The following GALNTL6 variants were observed in gnomAD, a reference collection of about 807,000 sequenced individuals.
GALNTL6 encodes polypeptide N-acetylgalactosaminyltransferase like 6.
Under a neutral mutation model 73.7 loss-of-function variants are expected in GALNTL6, and 46 were observed. The observed-to-expected ratio is 0.62, with a 90% CI of 0.49 to 0.80. GALNTL6 has a LOEUF of 0.80. Ranked by LOEUF, GALNTL6 falls within the 30% of genes least tolerant of loss-of-function variation. The pLI is 0.00. For synonymous variants in GALNTL6, 259 were observed against 263.7 expected (o/e 0.98, Z 0.17); for missense variants, 604 against 755.0 (o/e 0.80, Z 2.34).
chr4:172,342,914 A>G (rs1274360976), intron 4 of GALNTL6, among the ~76,000 whole-genome samples: 1 of 152,186 alleles, frequency 6.6e-6, no homozygotes, highest in Non-Finnish European at 1.5e-5. Flanking sequence ...TCTAATTACT[A>G]GCTTGATACC....
intron 10 of GALNTL6, among the ~76,000 whole-genome samples, chr4:172,971,110 A>G (rs1750560849): frequency 6.6e-6 from 1 of 152,136 alleles, no homozygotes; most frequent in African/African-American, 2.4e-5. Context: ...TGTGGGAGCA[A>G]GCTTCTAATA....
chr4:171,912,833 C>A (rs1312680730), intron 2 of GALNTL6, among the ~76,000 whole-genome samples: 1 of 152,160 alleles, frequency 6.6e-6, no homozygotes, highest in African/African-American at 2.4e-5. Context: ...CTTCACTTAA[C>A]ATAATGATCT....
chr4:171,920,460 G>A (rs1737753976), intron 2 of GALNTL6, among the ~76,000 whole-genome samples: 1 of 151,994 alleles, frequency 6.6e-6, no homozygotes, highest in African/African-American at 2.4e-5. Context: ...TGTATTTCAT[G>A]TCAATAATAA....
At chr4:172,156,850 G>C (rs942604952) in intron 2 of GALNTL6, among the ~76,000 whole-genome samples, 3 of 151,810 alleles carry the variant, frequency 2.0e-5, no homozygotes, top group Non-Finnish European at 4.4e-5. Context: ...TAAAGATCAT[G>C]ATCTGGAATT....
chr4:172,039,419 G>A (rs941464313), intron 2 of GALNTL6, among the ~76,000 whole-genome samples: 3 of 152,160 alleles, frequency 2.0e-5, no homozygotes, highest in Non-Finnish European at 4.4e-5. Flanking sequence ...ATGTCCAGCA[G>A]ACAAATGGTG....
intron 7 of GALNTL6, among the ~76,000 whole-genome samples, chr4:172,837,387 G>C (rs1227044357): frequency 6.6e-6 from 1 of 151,756 alleles, no homozygotes; most frequent in Non-Finnish European, 1.5e-5. Context: ...ATCATCCATA[G>C]TTATTGTTTT....
Position 172,248,619 on chromosome 4 carries a change from C to T in GALNTL6, c.247+18855C>T, listed in dbSNP as rs144449532. Among the ~76,000 whole-genome samples the T allele has an allele frequency of 1.2e-3, 178 of 152,264 alleles. 3 individuals are homozygous for T. The East Asian group carries it at 0.031, about 27-fold the overall frequency. On this transcript the variant is annotated intron_variant, in intron 3 of 12. Coordinates refer to ENST00000506823, the MANE Select transcript of GALNTL6 (RefSeq NM_001034845.3). ...CACTGATATGGTTTGGCTGTGTCCC[C>T]ACCCAAAGCTCATCTTGAATTGTAG... is the stretch of plus-strand genomic sequence containing the variant.
chr4:172,681,172 G>C (rs1262250034), intron 5 of GALNTL6, among the ~76,000 whole-genome samples: 1 of 152,110 alleles, frequency 6.6e-6, no homozygotes, highest in Admixed American at 6.5e-5. Context: ...AATTGTTAAT[G>C]CCTGATAAAT....
At chr4:172,614,882 T>G (rs1738663152) in intron 5 of GALNTL6, among the ~76,000 whole-genome samples, 1 of 152,112 alleles carries the variant, frequency 6.6e-6, no homozygotes, top group Non-Finnish European at 1.5e-5. Context: ...GTTTGATTAA[T>G]GGGTTTGGTT....
In GALNTL6 at chr4:172,623,906, A is replaced by G. The variant is rs181106829; in HGVS notation, c.554-185455A>G. On this transcript the variant is annotated intron_variant, in intron 5 of 12. Coordinates refer to ENST00000506823, the MANE Select transcript of GALNTL6 (RefSeq NM_001034845.3). Reference sequence around the variant, plus strand: ...TTATGTCTCAAATTTTATTCATGAGATATTTTACACATCAATTATATTTTG... The same window carrying G: ...TTATGTCTCAAATTTTATTCATGAGGTATTTTACACATCAATTATATTTTG... Among the ~76,000 whole-genome samples, 85 of 152,242 alleles carry G rather than the reference A, an allele frequency of 5.6e-4. 1 individual carries two copies. In the East Asian group the frequency reaches 0.014, roughly 25 times the overall value.
At chr4:172,333,546 A>T (rs1325709824) in intron 4 of GALNTL6, among the ~76,000 whole-genome samples, 1 of 152,178 alleles carries the variant, frequency 6.6e-6, no homozygotes, top group Non-Finnish European at 1.5e-5. Flanking sequence ...CTCCTGTTGG[A>T]TGAACAGTCT....
chr4:172,109,013 CAAAAAAAAAAAAAAAAAAA>C (rs202017302), intron 2 of GALNTL6, among the ~76,000 whole-genome samples: 5 of 108,288 alleles, frequency 4.6e-5, no homozygotes, highest in Non-Finnish European at 7.7e-5. Flanking sequence ...ACTCCATCTC[CAAAAAAAAAAAAAAAAAAA>C]AAAAAAAAAA....
chr4:172,397,874 G>C (rs545727344), intron 5 of GALNTL6, among the ~76,000 whole-genome samples: 1 of 152,134 alleles, frequency 6.6e-6, no homozygotes, highest in East Asian at 1.9e-4. Flanking sequence ...ACTGTGCCTG[G>C]CCACTATCTT....
chr4:172,608,116 C>A (rs748093755), intron 5 of GALNTL6, among the ~76,000 whole-genome samples: 1 of 152,040 alleles, frequency 6.6e-6, no homozygotes, highest in African/African-American at 2.4e-5. Context: ...TTTTGCTGTG[C>A]AGAAACTCTC....
At chr4:172,647,922 C>G (rs1314336167) in intron 5 of GALNTL6, among the ~76,000 whole-genome samples, 1 of 152,114 alleles carries the variant, frequency 6.6e-6, no homozygotes, top group East Asian at 1.9e-4. Context: ...ATGTCAGACA[C>G]TTGTCAAGGA....
intron 5 of GALNTL6, among the ~76,000 whole-genome samples, chr4:172,788,790 G>C (rs1228674281): frequency 2.0e-5 from 3 of 151,852 alleles, no homozygotes; most frequent in East Asian, 3.9e-4. Context: ...AAGCCAACAA[G>C]AGGTGGTGTT....
chr4:172,927,521 G>C (rs6856906), intron 8 of GALNTL6, among the ~76,000 whole-genome samples: 1 of 151,560 alleles, frequency 6.6e-6, no homozygotes, highest in Non-Finnish European at 1.5e-5. Flanking sequence ...GGATTTTGTG[G>C]GCCGCAAATT....
At chr4:172,784,716 C>T (rs1037665104) in intron 5 of GALNTL6, among the ~76,000 whole-genome samples, 4 of 152,104 alleles carry the variant, frequency 2.6e-5, no homozygotes, top group South Asian at 2.1e-4. Flanking sequence ...CACCTCTTTG[C>T]ATGGAGAAAT....
At chr4:172,430,276 G>C (rs28714446) in intron 5 of GALNTL6, among the ~76,000 whole-genome samples, 3,578 of 152,052 alleles carry the variant, frequency 0.024, 140 homozygotes, top group African/African-American at 0.082. Flanking sequence ...TGTGGAGAGG[G>C]GGGTAGGAGG....
Sources: gnomAD v4.1 joint callset for allele counts (sites outside exome capture counted in the v4.1 genomes callset) on GRCh38, gnomAD v4.1.1 for gene constraint, MANE v1.5 for transcripts, NCBI Gene and HGNC (gene_info 2026-07-23, HGNC 2026-07-21) for gene names.